Variants in ADK observed in about 807,000 individuals in gnomAD.
The protein encoded by ADK is N6,N6-dimethyladenosine kinase.
Under a neutral mutation model 44.7 loss-of-function variants are expected in ADK, and 24 were observed. The ratio of observed to expected loss-of-function variants is 0.54; its 90% CI spans 0.39 to 0.76. ADK has a LOEUF of 0.76. Among genes scored for constraint, ADK ranks in the 30% least tolerant of loss-of-function variants. ADK has a pLI of 0.00. For missense variants in ADK, 321 were observed against 425.1 expected, an observed-to-expected ratio of 0.76 and a Z score of 2.15; for synonymous variants, 128 against 142.6, an observed-to-expected ratio of 0.90 and a Z score of 0.73.
chr10:74,198,852 GT>G, intron 1 of ADK, among the ~76,000 whole-genome samples: 1 of 152,050 alleles, frequency 6.6e-6, no homozygotes, highest in Non-Finnish European at 1.5e-5. Context: ...TGATTTGTTT[GT>G]TTTTGTTTTG....
At chr10:74,183,615 A>G (rs984870911) in intron 1 of ADK, among the ~76,000 whole-genome samples, 1 of 151,622 alleles carries the variant, frequency 6.6e-6, no homozygotes, top group African/African-American at 2.4e-5. Flanking sequence ...GGTTCAAGCA[A>G]TTCACCTGAC....
intron 7 of ADK, among the ~76,000 whole-genome samples, chr10:74,545,308 G>T (rs1184585448): frequency 6.6e-6 from 1 of 152,108 alleles, no homozygotes; most frequent in Admixed American, 6.5e-5. Context: ...GGAATCTGCG[G>T]TATGTTTTCA....
chr10:74,628,711 GCTCT>G (rs748949069), intron 9 of ADK, among the ~76,000 whole-genome samples: 1 of 151,992 alleles, frequency 6.6e-6, no homozygotes, highest in Non-Finnish European at 1.5e-5. Context: ...ACTGGAAAAA[GCTCT>G]CTCTTAGATA....
intron 10 of ADK, among the ~76,000 whole-genome samples, chr10:74,673,350 A>G (rs1415777491): frequency 6.6e-6 from 1 of 152,266 alleles, no homozygotes; most frequent in Non-Finnish European, 1.5e-5. Flanking sequence ...ATAGTGAAGC[A>G]GGATATTTCC....
chr10:74,422,832 CTG>C (rs1284478865), intron 6 of ADK, among the ~76,000 whole-genome samples: 1 of 152,124 alleles, frequency 6.6e-6, no homozygotes, highest in Non-Finnish European at 1.5e-5. Flanking sequence ...GTCAGGGTGA[CTG>C]AGGGTGGAGG....
At chr10:74,224,710 A>G (rs1844463718) in intron 3 of ADK, 119 bp downstream of exon 3, 1 of 789,500 alleles carries the variant, frequency 1.3e-6, no homozygotes, top group African/African-American at 1.7e-5. Flanking sequence ...TAACACTATG[A>G]CCTTAATCCT....
intron 3 of ADK, among the ~76,000 whole-genome samples, chr10:74,231,963 C>G (rs1908334): frequency 1.4e-5 from 2 of 145,238 alleles, no homozygotes; most frequent in African/African-American, 5.0e-5. Context: ...TTTTGTTTGT[C>G]TTTTTTTTTT....
chr10:74,154,927 C>T (rs780168490), intron 1 of ADK, among the ~76,000 whole-genome samples: 19 of 152,156 alleles, frequency 1.2e-4, no homozygotes, highest in African/African-American at 4.1e-4. Context: ...TTATTCATCA[C>T]GGCAAATATT....
At chr10:74,247,224 G>GTTTTTTTTTTTTTTTTTTTTT (rs142274121) in intron 3 of ADK, among the ~76,000 whole-genome samples, 1 of 72,004 alleles carries the variant, frequency 1.4e-5, no homozygotes, top group African/African-American at 6.1e-5. Context: ...TTTTTTTTAA[G>GTTTTTTTTTTTTTTTTTTTTT]TTTTTTTTTT....
chr10:74,437,539 A>G (rs376776243), intron 6 of ADK, among the ~76,000 whole-genome samples: 2 of 152,094 alleles, frequency 1.3e-5, no homozygotes, highest in African/African-American at 2.4e-5. Context: ...TTTTCCTTCA[A>G]TAAGTCCCTA....
intron 7 of ADK, among the ~76,000 whole-genome samples, chr10:74,573,065 G>C (rs1851032090): frequency 1.3e-5 from 2 of 152,196 alleles, no homozygotes; most frequent in African/African-American, 2.4e-5. Flanking sequence ...TTCCTTTGGA[G>C]GAGGAGAGGC....
At chr10:74,571,182 C>T (rs527729734) in intron 7 of ADK, among the ~76,000 whole-genome samples, 6 of 152,106 alleles carry the variant, frequency 3.9e-5, no homozygotes, top group East Asian at 1.9e-4. Context: ...CTGCTGGATT[C>T]GGTTTGCCAG....
In ADK at chr10:74,671,572, C is replaced by T. The variant is rs146719610; in HGVS notation, c.964+1303C>T. ...CTTCATTATTGATAATATTAGAGTACTTAGCAGCCAATTTTCCTATTTTTT... is the reference window on the plus strand; with the variant it reads ...CTTCATTATTGATAATATTAGAGTATTTAGCAGCCAATTTTCCTATTTTTT... On this transcript the variant is annotated intron_variant, in intron 10 of 10. Transcript: ENST00000539909. Among the ~76,000 whole-genome samples, 388 of 152,188 alleles carry T rather than the reference C, an allele frequency of 2.5e-3. 1 individual carries two copies. Among genetic ancestry groups the T allele is most frequent in the African/African-American group, 8.9e-3 (371 of 41,522 alleles).
At chr10:74,158,652 C>T (rs1422077870) in intron 1 of ADK, among the ~76,000 whole-genome samples, 1 of 152,190 alleles carries the variant, frequency 6.6e-6, no homozygotes, top group Non-Finnish European at 1.5e-5. Flanking sequence ...AATTCCAAAA[C>T]ATACCCTGCC....
intron 10 of ADK, among the ~76,000 whole-genome samples, chr10:74,695,620 GTGT>G (rs774301006): frequency 0.44 from 54,985 of 125,912 alleles, 11,665 homozygotes; most frequent in Non-Finnish European, 0.53. Flanking sequence ...TATGTGTGGG[GTGT>G]GTGTGTGTGT....
At chr10:74,352,844 C>T (rs1366667395) in intron 4 of ADK, among the ~76,000 whole-genome samples, 1 of 152,160 alleles carries the variant, frequency 6.6e-6, no homozygotes, top group East Asian at 1.9e-4. Flanking sequence ...TAGAGAAATG[C>T]AAATCAAAAC....
intron 6 of ADK, among the ~76,000 whole-genome samples, chr10:74,438,291 C>A (rs1262024860): frequency 6.6e-6 from 1 of 151,392 alleles, no homozygotes; most frequent in Non-Finnish European, 1.5e-5. Flanking sequence ...ATGACGCCAT[C>A]TCGGCTCACT....
At chr10:74,604,962 C>A (rs1852265653) in intron 9 of ADK, among the ~76,000 whole-genome samples, 1 of 152,096 alleles carries the variant, frequency 6.6e-6, no homozygotes, top group Non-Finnish European at 1.5e-5. Flanking sequence ...CCTTCACATC[C>A]CTTGTAAGTT....
At chr10:74,706,853 C>T (rs1856619144) in intron 10 of ADK, among the ~76,000 whole-genome samples, 1 of 152,066 alleles carries the variant, frequency 6.6e-6, no homozygotes, top group Non-Finnish European at 1.5e-5. Flanking sequence ...AATATTGAAT[C>T]TTCTGACCTT....
Sources: gnomAD v4.1 joint callset for allele counts (sites outside exome capture counted in the v4.1 genomes callset) on GRCh38, gnomAD v4.1.1 for gene constraint, MANE v1.5 for transcripts, NCBI Gene and HGNC (gene_info 2026-07-23, HGNC 2026-07-21) for gene names.